The following EML5 variants were observed in gnomAD, a reference collection of about 807,000 sequenced individuals.
EML5 encodes the protein EMAP like 5.
A neutral mutation model predicts 250.0 loss-of-function variants in EML5; 120 were observed. The ratio of observed to expected loss-of-function variants is 0.48; its 90% CI spans 0.41 to 0.56. The LOEUF is 0.56. Ranked by LOEUF, EML5 falls within the 20% of genes least tolerant of loss-of-function variation. EML5 has a pLI of 0.00. For synonymous variants in EML5, 771 were observed against 806.5 expected, an observed-to-expected ratio of 0.96 and a Z score of 0.75; for missense variants, 2,006 against 2,437.6, an observed-to-expected ratio of 0.82 and a Z score of 3.73.
chr14:88,634,275 T>C (rs2090601017), intron 33 of EML5, among the ~76,000 whole-genome samples, 194 bp downstream of exon 33: 1 of 152,162 alleles, frequency 6.6e-6, no homozygotes, highest in South Asian at 2.1e-4. Context: ...GATTGTAAAT[T>C]TCCTGAGGCC....
At chr14:88,646,244 A>G (rs76834285) in intron 29 of EML5, among the ~76,000 whole-genome samples, 1,577 of 152,304 alleles carry the variant, frequency 0.01, 27 homozygotes, top group African/African-American at 0.036. Context: ...TAAATGTGCT[A>G]TATCTTAAAC....
At chr14:88,736,624 G>C in intron 6 of EML5, 59 bp from the exon 7 acceptor site, 3 of 1,530,624 alleles carry the variant, frequency 2.0e-6, no homozygotes, top group South Asian at 1.2e-5. Context: ...GCAGCAGGAG[G>C]CAGACAAATC....
chr14:88,679,065 A>G (rs1002358792), intron 21 of EML5, among the ~76,000 whole-genome samples: 1 of 151,368 alleles, frequency 6.6e-6, no homozygotes, highest in Admixed American at 6.6e-5. Context: ...CTCTGCTTCC[A>G]TCATCACGCT....
intron 21 of EML5, among the ~76,000 whole-genome samples, chr14:88,675,109 C>T (rs1358624837): frequency 6.6e-6 from 1 of 152,218 alleles, no homozygotes; most frequent in East Asian, 1.9e-4. Context: ...GCACATGGTG[C>T]AAGCTGTCAG....
intron 8 of EML5, among the ~76,000 whole-genome samples, chr14:88,718,902 C>T (rs2139980562): frequency 6.6e-6 from 1 of 152,094 alleles, no homozygotes; most frequent in African/African-American, 2.4e-5. Flanking sequence ...TTTTTTAAAG[C>T]CAGGAGACAA....
chr14:88,734,346 C>T lies in EML5; in HGVS notation c.1049+2018G>A, dbSNP rs766110462. ...AGTGGTAAATGTAAGTATTAGAATG[C>T]CACCATTTGAAATTCTTATTAAAAT... is the stretch of plus-strand genomic sequence containing the variant. On this transcript the variant is annotated intron_variant, in intron 7 of 43. Transcript: ENST00000554922. 2.0e-5 allele frequency among the ~76,000 whole-genome samples: 3 copies of T among 152,122 alleles called. No homozygotes were observed. In the South Asian group the frequency reaches 6.2e-4, roughly 32 times the overall value.
Position 88,694,347 on chromosome 14 carries a change from A to G in EML5, c.2499T>C (p.Ile833=). 1 of 1,595,590 alleles carries G rather than the reference A, an allele frequency of 6.3e-7. No homozygotes were observed. ...ATTTCATGTGTTTAATTCCAGCTGT[A>G]ATTAGTTTATCAGGCACATAGGGGT... is the stretch of plus-strand genomic sequence containing the variant. ...KMNPYVPDKL[I]TAGIKHMKFW... is the part of the protein sequence containing the mutation. Residue 833 remains isoleucine (I), a synonymous_variant, in exon 17 of 44, where the codon ATT becomes ATC. Transcript: ENST00000554922.
intron 7 of EML5, among the ~76,000 whole-genome samples, chr14:88,728,813 G>A (rs1185048720): frequency 6.6e-6 from 1 of 151,918 alleles, no homozygotes; most frequent in Non-Finnish European, 1.5e-5. Flanking sequence ...TCTGCAGGGG[G>A]TCTTGGAAGT....
chr14:88,672,751 T>C (rs1009877774), intron 21 of EML5, among the ~76,000 whole-genome samples: 2 of 152,232 alleles, frequency 1.3e-5, no homozygotes, highest in Middle Eastern at 3.4e-3. Context: ...CAGAGAATAC[T>C]ATAAACACCT....
chr14:88,756,557 A>T (rs1240331552), intron 1 of EML5, among the ~76,000 whole-genome samples: 1 of 152,160 alleles, frequency 6.6e-6, no homozygotes, highest in African/African-American at 2.4e-5. Context: ...TTGGCAGATG[A>T]TATGATCATA....
At chr14:88,711,564 A>C (rs1054497740) in intron 10 of EML5, among the ~76,000 whole-genome samples, 1 of 151,714 alleles carries the variant, frequency 6.6e-6, no homozygotes, top group African/African-American at 2.4e-5. Context: ...GCATAGAGGA[A>C]ACTGCCCCCA....
chr14:88,736,245 C>G (rs778758436), intron 7 of EML5, 119 bp downstream of exon 7: 2 of 1,094,188 alleles, frequency 1.8e-6, no homozygotes, highest in Non-Finnish European at 2.7e-6. Context: ...GTGATCTGCC[C>G]GCCTTGGCCT....
chr14:88,711,929 T>G (rs1427319841), intron 10 of EML5, among the ~76,000 whole-genome samples: 2 of 145,460 alleles, frequency 1.4e-5, no homozygotes, highest in Non-Finnish European at 3.0e-5. Flanking sequence ...GGCAACAGAG[T>G]GAGACCCTGT....
At chr14:88,750,260 T>C (rs2094072499) in intron 2 of EML5, among the ~76,000 whole-genome samples, 1 of 152,130 alleles carries the variant, frequency 6.6e-6, no homozygotes, top group Non-Finnish European at 1.5e-5. Flanking sequence ...CCTTACTTTC[T>C]TCACCTATTA....
chr14:88,629,532 G>C (rs575681033), intron 33 of EML5, among the ~76,000 whole-genome samples: 1 of 152,244 alleles, frequency 6.6e-6, no homozygotes, highest in African/African-American at 2.4e-5. Context: ...ATGAAACTAT[G>C]TTTATTAAGT....
intron 25 of EML5, among the ~76,000 whole-genome samples, chr14:88,659,214 T>G (rs1224745168): frequency 6.6e-6 from 1 of 151,964 alleles, no homozygotes; most frequent in African/African-American, 2.4e-5. Flanking sequence ...TAGCAAAATT[T>G]GTGAATTCCC....
chr14:88,727,270 C>T (rs926933686), intron 7 of EML5, among the ~76,000 whole-genome samples: 4 of 152,060 alleles, frequency 2.6e-5, no homozygotes, highest in Admixed American at 6.6e-5. Flanking sequence ...ATGCACATAG[C>T]GGTCAAAATT....
intron 1 of EML5, among the ~76,000 whole-genome samples, chr14:88,769,966 G>GTT (rs79797316): frequency 0.014 from 1,926 of 139,600 alleles, 20 homozygotes; most frequent in Non-Finnish European, 0.017. Context: ...ATTATGTGCA[G>GTT]TTTTTTTTTT....
intron 27 of EML5, among the ~76,000 whole-genome samples, chr14:88,654,553 G>A (rs945483641): frequency 4.6e-5 from 7 of 152,140 alleles, no homozygotes; most frequent in Admixed American, 1.3e-4. Context: ...TAGTAATTCA[G>A]GAGCAGGTTG....
Sources: allele counts gnomAD v4.1 joint callset (sites outside exome capture counted in the v4.1 genomes callset), GRCh38; gene constraint gnomAD v4.1.1; transcripts MANE v1.5; gene names NCBI Gene and HGNC (gene_info 2026-07-23, HGNC 2026-07-21).